Variants in VTI1A observed in about 807,000 individuals in gnomAD.
The protein encoded by VTI1A is vesicle transport through interaction with t-SNAREs homolog 1A.
VTI1A carries 22 observed loss-of-function variants against 34.9 expected under a neutral mutation model. The observed-to-expected ratio is 0.63, with a 90% CI of 0.45 to 0.90. The LOEUF (loss-of-function observed/expected upper bound fraction) is 0.90, where lower values mean the gene tolerates loss of function less well. Ranked by LOEUF, VTI1A falls within the 40% of genes least tolerant of loss-of-function variation. The pLI, the probability that VTI1A is intolerant of heterozygous loss-of-function variation, is 0.00. For synonymous variants in VTI1A, 87 were observed against 97.3 expected, an observed-to-expected ratio of 0.89 and a Z score of 0.62; for missense variants, 268 against 275.6, an observed-to-expected ratio of 0.97 and a Z score of 0.20.
At chr10:112,467,539 A>G (rs1381104192) in intron 3 of VTI1A, among the ~76,000 whole-genome samples, 1 of 152,216 alleles carries the variant, frequency 6.6e-6, no homozygotes, top group African/African-American at 2.4e-5. Flanking sequence ...GCAAAAAGCC[A>G]TCCTGGGCTG....
chr10:112,627,712 C>T (rs1002962527), intron 5 of VTI1A, among the ~76,000 whole-genome samples: 10 of 152,068 alleles, frequency 6.6e-5, no homozygotes, highest in Non-Finnish European at 1.2e-4. Flanking sequence ...AATATCGAAG[C>T]ATCTACTATG....
intron 7 of VTI1A, among the ~76,000 whole-genome samples, chr10:112,765,957 T>C (rs780790311): frequency 1.3e-5 from 2 of 152,124 alleles, no homozygotes; most frequent in Non-Finnish European, 2.9e-5. Flanking sequence ...GATGAAAAAG[T>C]GAGACATGAG....
At chr10:112,608,811 A>G (rs982352084) in intron 5 of VTI1A, among the ~76,000 whole-genome samples, 1 of 152,144 alleles carries the variant, frequency 6.6e-6, no homozygotes, top group African/African-American at 2.4e-5. Flanking sequence ...TAACATCTTC[A>G]ACATCTCTTG....
chr10:112,590,319 T>C (rs182921304), intron 5 of VTI1A, among the ~76,000 whole-genome samples: 9 of 151,628 alleles, frequency 5.9e-5, no homozygotes, highest in East Asian at 1.9e-4. Context: ...GATAGATAGA[T>C]AGACAGACAG....
intron 7 of VTI1A, among the ~76,000 whole-genome samples, chr10:112,678,281 A>G (rs1848098461): frequency 6.6e-6 from 1 of 152,150 alleles, no homozygotes; most frequent in Non-Finnish European, 1.5e-5. Flanking sequence ...TGAAGGGTGC[A>G]CTTTACATTT....
chr10:112,686,719 G>A (rs1438323870), intron 7 of VTI1A, among the ~76,000 whole-genome samples: 1 of 152,132 alleles, frequency 6.6e-6, no homozygotes, highest in African/African-American at 2.4e-5. Flanking sequence ...ATATGCTCTG[G>A]ACAGAATGAA....
intron 4 of VTI1A, among the ~76,000 whole-genome samples, chr10:112,532,782 T>A (rs1850491810): frequency 6.6e-6 from 1 of 152,034 alleles, no homozygotes; most frequent in Non-Finnish European, 1.5e-5. Flanking sequence ...TGAAGAAAAT[T>A]GAAAACTGAA....
chr10:112,456,841 A>G (rs1847546859), intron 1 of VTI1A, among the ~76,000 whole-genome samples: 1 of 152,186 alleles, frequency 6.6e-6, no homozygotes, highest in African/African-American at 2.4e-5. Context: ...AGAGCCGCTC[A>G]AGACTTTGCT....
At chr10:112,599,108 T>G (rs527464118) in intron 5 of VTI1A, among the ~76,000 whole-genome samples, 15 of 152,280 alleles carry the variant, frequency 9.9e-5, no homozygotes, top group African/African-American at 3.6e-4. Context: ...TTCCAGAAAC[T>G]TCTCTGATAA....
chr10:112,751,298 A>G (rs561412548), intron 7 of VTI1A, among the ~76,000 whole-genome samples: 33 of 152,266 alleles, frequency 2.2e-4, no homozygotes, highest in African/African-American at 6.0e-4. Context: ...AGAGACCCCA[A>G]TGACCTGCCA....
chr10:112,851,207 C>G, the VTI1A span, among the ~76,000 whole-genome samples: 2 of 152,224 alleles, frequency 1.3e-5, no homozygotes, highest in Non-Finnish European at 2.9e-5. Flanking sequence ...GAGCATTTGA[C>G]TGAATCATTT....
At chr10:112,576,687 A>C (rs77170880) in intron 5 of VTI1A, among the ~76,000 whole-genome samples, 225 of 152,352 alleles carry the variant, frequency 1.5e-3, no homozygotes, top group African/African-American at 5.0e-3. Context: ...TCAGACGAAG[A>C]TTAAAAATAA....
At chr10:112,651,939 T>G (rs1056980464) in intron 5 of VTI1A, among the ~76,000 whole-genome samples, 1 of 152,208 alleles carries the variant, frequency 6.6e-6, no homozygotes, top group Non-Finnish European at 1.5e-5. Context: ...CAGCCAGAAA[T>G]AGAAAGGAGC....
chr10:112,651,053 A>G (rs1040803788), intron 5 of VTI1A, among the ~76,000 whole-genome samples: 8 of 152,102 alleles, frequency 5.3e-5, no homozygotes, highest in Non-Finnish European at 1.2e-4. Flanking sequence ...CCTGTTGAGC[A>G]ATTATAAGTA....
At chr10:112,615,353 C>A (rs1228768966) in intron 5 of VTI1A, among the ~76,000 whole-genome samples, 2 of 152,138 alleles carry the variant, frequency 1.3e-5, no homozygotes, top group Admixed American at 6.5e-5. Flanking sequence ...AGGAATAGTT[C>A]TTTTACATCT....
chr10:112,801,492 C>G (rs1852875252), intron 7 of VTI1A, among the ~76,000 whole-genome samples: 1 of 152,190 alleles, frequency 6.6e-6, no homozygotes, highest in Non-Finnish European at 1.5e-5. Flanking sequence ...GATGGGGAAA[C>G]TCAAGGACCC....
intron 5 of VTI1A, among the ~76,000 whole-genome samples, chr10:112,550,313 T>G (rs1451886388): frequency 2.0e-5 from 3 of 152,036 alleles, no homozygotes; most frequent in East Asian, 1.9e-4. Context: ...TAATCAAGTT[T>G]ATTTTCCCTT....
chr10:112,817,376 TG>T lies in VTI1A; in HGVS notation c.*1995del, dbSNP rs1853554417. 2 of 232,322 alleles carry T rather than the reference TG, an allele frequency of 8.6e-6. No individual in the cohort carries two copies. Among genetic ancestry groups the T allele is most frequent in the Non-Finnish European group, 1.7e-5 (2 of 117,508 alleles). 14.4% of individuals were successfully genotyped at this position (232,322 alleles called of 1,614,324 possible). A position where few individuals can be genotyped will look rare whatever the true frequency, so the allele number is the denominator to read the frequency against. ...GCCTCCTGAATATTTCACTGAATCCTGGCGTTCATGTTGAAGCAGACAAAAT... is the reference window on the plus strand; with the variant it reads ...GCCTCCTGAATATTTCACTGAATCCTGCGTTCATGTTGAAGCAGACAAAAT... On this transcript the variant is annotated 3_prime_UTR_variant, in exon 8 of 8. Coordinates refer to ENST00000393077, the MANE Select transcript of VTI1A (RefSeq NM_145206.4).
intron 7 of VTI1A, among the ~76,000 whole-genome samples, chr10:112,803,038 C>T (rs1477019595): frequency 6.6e-6 from 1 of 152,136 alleles, no homozygotes; most frequent in African/African-American, 2.4e-5. Flanking sequence ...CCACTTTTCC[C>T]AGTCGTCCCA....
Sources: gnomAD v4.1 joint callset for allele counts (sites outside exome capture counted in the v4.1 genomes callset) on GRCh38, gnomAD v4.1.1 for gene constraint, MANE v1.5 for transcripts, NCBI Gene and HGNC (gene_info 2026-07-23, HGNC 2026-07-21) for gene names.